Variants in LSM2 observed in about 807,000 individuals in gnomAD.
LSM2 encodes LSM2 homolog, U6 small nuclear RNA and mRNA degradation associated, also known as U6 snRNA-associated Sm-like protein LSm2.
In LSM2, 12 loss-of-function variants were observed where a neutral mutation model predicts 17.0. The observed-to-expected ratio is 0.70, with a 90% confidence interval of 0.45 to 1.14. LSM2 has a LOEUF of 1.14. LSM2 is among the 50% of genes most tolerant of loss of function. The pLI, the probability that LSM2 is intolerant of heterozygous loss-of-function variation, is 0.00. For missense variants in LSM2, 62 were observed against 111.8 expected, an observed-to-expected ratio of 0.55 and a Z score of 2.01; for synonymous variants, 42 against 44.5, an observed-to-expected ratio of 0.94 and a Z score of 0.22.
rs746003242 is a variant in LSM2, at chr6:31,797,997, G to A, written c.155C>T (p.Pro52Leu). 1.9e-6 allele frequency: 3 copies of A among 1,607,834 alleles called. No homozygotes were observed. The highest frequency in any genetic ancestry group is 2.5e-6 in the Non-Finnish European group (3 of 1,177,562). ...CCACAGACCCCAACTCACCATGTGA[G>A]GGTATTTCTCAGGGTCTGTGACACT... ...DISVTDPEKY[P>L]HMLSVKNCFI... Residue 52 changes from proline (P) to leucine (L), a missense_variant, in exon 4 of 5, where the codon CCT (proline) becomes CTT (leucine). Physicochemically the swap from Pro to Leu is moderately conservative, Grantham distance 98. Coordinates refer to ENST00000375661, the MANE Select transcript of LSM2 (RefSeq NM_021177.5).
At position 31,806,963 on chromosome 6, in the gene LSM2, G is replaced by T. The variant is rs1380131579; in HGVS notation, c.-206C>A. 2.9e-5 allele frequency: 17 copies of T among 593,650 alleles called. No homozygotes were observed. Among genetic ancestry groups the T allele is most frequent in the African/African-American group, 2.0e-5 (1 of 50,178 alleles). The allele number at this position is 593,650 out of a possible 1,614,324, so 36.8% of individuals were successfully genotyped here. Reference sequence around the variant, plus strand: ...GAGCGCAAGCTGGGTAGAGTAGAGGGGAGGAGGAAGCCGGGAAAGGGGCGG... The same window carrying T: ...GAGCGCAAGCTGGGTAGAGTAGAGGTGAGGAGGAAGCCGGGAAAGGGGCGG... On this transcript the variant is annotated 5_prime_UTR_variant, in exon 1 of 5. Coordinates refer to ENST00000375661, the MANE Select transcript of LSM2 (RefSeq NM_021177.5).
In LSM2 at chr6:31,799,547, G is replaced by A. The variant is rs560783583; in HGVS notation, c.72-1040C>T. ...AATTTTTTGTATTTTTAGTAGAGAC[G>A]GGGTTTCACCGTGTTAGCCAGGATG... On this transcript the variant is annotated intron_variant, in intron 2 of 4. Coordinates refer to ENST00000375661, the MANE Select transcript of LSM2 (RefSeq NM_021177.5). Among the ~76,000 whole-genome samples the A allele has an allele frequency of 2.7e-3, 406 of 152,050 alleles. 5 individuals carry two copies. Among genetic ancestry groups the A allele is most frequent in the African/African-American group, 8.9e-3 (370 of 41,478 alleles).
Position 31,804,872 on chromosome 6 carries a change from T to C in LSM2, c.71+1203A>G, listed in dbSNP as rs577073870. Among the ~76,000 whole-genome samples the C allele has an allele frequency of 4.5e-3, 671 of 148,546 alleles. 5 individuals are homozygous for C. Among genetic ancestry groups the C allele is most frequent in the African/African-American group, 0.016 (638 of 40,650 alleles). ...AGTTCCGCCTCCCAGGTTCACGCCA[T>C]TCTCCTGCCTCAGACTCCCAAGTAG... On this transcript the variant is annotated intron_variant, in intron 2 of 4. Transcript: ENST00000375661.
Position 31,797,648 on chromosome 6 carries a change from T to C in LSM2, c.*109A>G. 6.6e-7 allele frequency: 1 copy of C among 1,513,604 alleles called. No individual in the cohort carries two copies. Among genetic ancestry groups the C allele is most frequent in the African/African-American group, 1.4e-5 (1 of 72,006 alleles). The allele number at this position is 1,513,604 out of a possible 1,614,324, so 93.8% of individuals were successfully genotyped here. A position where few individuals can be genotyped will look rare whatever the true frequency, so the allele number is the denominator to read the frequency against. ...TTAAAAAAAACCCACAAAACCATCA[T>C]TAGTAAAAAAACAAAACCCCTTCAA... is the stretch of plus-strand genomic sequence containing the variant. On this transcript the variant is annotated 3_prime_UTR_variant, in exon 5 of 5. Coordinates refer to ENST00000375661, the MANE Select transcript of LSM2 (RefSeq NM_021177.5).
intron 1 of LSM2, chr6:31,806,447 T>C (rs969468723): frequency 2.2e-5 from 13 of 602,012 alleles, no homozygotes; most frequent in African/African-American, 1.1e-4. Context: ...TTTCAATGAA[T>C]TGTAGAAAAT....
chr6:31,806,733 CT>C, intron 1 of LSM2, 21 bp downstream of exon 1: 2 of 1,609,754 alleles, frequency 1.2e-6, no homozygotes, highest in East Asian at 2.2e-5. Context: ...AGGGCGCCCC[CT>C]TTTGACGTCA....
rs1301145056 is a variant in LSM2, at chr6:31,806,954, G to C, written c.-197C>G. On this transcript the variant is annotated 5_prime_UTR_variant, in exon 1 of 5. Transcript: ENST00000375661. ...GCGGCTGGGGAGCGCAAGCTGGGTA[G>C]AGTAGAGGGGAGGAGGAAGCCGGGA... 3.2e-6 allele frequency: 2 copies of C among 618,700 alleles called. No individual in the cohort carries two copies. Among genetic ancestry groups the C allele is most frequent in the Non-Finnish European group, 2.7e-6 (1 of 368,192 alleles). The allele number at this position is 618,700 out of a possible 1,614,324, so 38.3% of individuals were successfully genotyped here. A position where few individuals can be genotyped will look rare whatever the true frequency, so the allele number is the denominator to read the frequency against.
chr6:31,800,613 C>T (rs1254055989), intron 2 of LSM2, among the ~76,000 whole-genome samples: 3 of 152,026 alleles, frequency 2.0e-5, no homozygotes, highest in African/African-American at 4.8e-5. Context: ...ATTGGCCGGG[C>T]GTGGTGGCTC....
chr6:31,804,342 A>G (rs971682498), intron 2 of LSM2, among the ~76,000 whole-genome samples: 6 of 151,406 alleles, frequency 4.0e-5, no homozygotes, highest in Admixed American at 3.3e-4. Context: ...CCTAGGTGAC[A>G]GACTGAAACT....
At chr6:31,798,733 CTT>C (rs9281580) in intron 2 of LSM2, among the ~76,000 whole-genome samples, 8 of 89,862 alleles carry the variant, frequency 8.9e-5, no homozygotes, top group South Asian at 4.1e-4. Flanking sequence ...CCAATCCATT[CTT>C]TTTTTTTTTT....
Position 31,797,650 on chromosome 6 carries a change from A to G in LSM2, c.*107T>C. ...AAAAAAAACCCACAAAACCATCATT[A>G]GTAAAAAAACAAAACCCCTTCAAGT... On this transcript the variant is annotated 3_prime_UTR_variant, in exon 5 of 5. Transcript: ENST00000375661. 6.6e-7 allele frequency: 1 copy of G among 1,519,368 alleles called. No homozygotes were observed. Among genetic ancestry groups the G allele is most frequent in the Non-Finnish European group, 8.9e-7 (1 of 1,118,834 alleles). The allele number at this position is 1,519,368 out of a possible 1,614,324, so 94.1% of individuals were successfully genotyped here.
Position 31,806,837 on chromosome 6 carries a change from AGCCCGCGC to A in LSM2, c.-88_-81del. The A allele has an allele frequency of 6.6e-7, 1 of 1,511,106 alleles. No individual in the cohort carries two copies. Among genetic ancestry groups the A allele is most frequent in the South Asian group, 1.3e-5 (1 of 78,490 alleles). The allele number at this position is 1,511,106 out of a possible 1,614,324, so 93.6% of individuals were successfully genotyped here. On this transcript the variant is annotated 5_prime_UTR_variant, in exon 1 of 5. Transcript: ENST00000375661. The stretch of plus-strand genomic sequence containing the variant: ...GCAGGTCTGGGGAAACCGAAGCGCG[AGCCCGCGC>A]GTGGGGCGAGGCGGGACCGCGCAGG...
chr6:31,798,551 A>G (rs1341309968), intron 2 of LSM2, 44 bp from the exon 3 acceptor site: 8 of 1,609,000 alleles, frequency 5.0e-6, no homozygotes, highest in Non-Finnish European at 6.8e-6. Flanking sequence ...AGTTTATAAC[A>G]AAGTCAACAT....
chr6:31,802,520 GGGAGTC>G (rs111671487), intron 2 of LSM2, among the ~76,000 whole-genome samples: 29 of 151,960 alleles, frequency 1.9e-4, no homozygotes, highest in African/African-American at 6.8e-4. Context: ...ACTTGAACCA[GGGAGTC>G]GGAGGTTACA....
chr6:31,798,454 C>T, intron 3 of LSM2, 23 bp downstream of exon 3: 1 of 1,612,840 alleles, frequency 6.2e-7, no homozygotes, highest in Non-Finnish European at 8.5e-7. Context: ...GGAACCAATT[C>T]TGGGGCCCGT....
chr6:31,804,509 T>C (rs934981946), intron 2 of LSM2, among the ~76,000 whole-genome samples: 2 of 152,212 alleles, frequency 1.3e-5, no homozygotes, highest in Non-Finnish European at 2.9e-5. Flanking sequence ...TACTTAGCAG[T>C]GTTTGAGAAA....
chr6:31,800,387 G>A (rs939614877), intron 2 of LSM2, among the ~76,000 whole-genome samples: 1 of 152,012 alleles, frequency 6.6e-6, no homozygotes, highest in Non-Finnish European at 1.5e-5. Flanking sequence ...TTTTAAAAAC[G>A]TCCTTATCTT....
At chr6:31,805,188 C>T (rs187943004) in intron 2 of LSM2, among the ~76,000 whole-genome samples, 11 of 152,066 alleles carry the variant, frequency 7.2e-5, no homozygotes, top group Admixed American at 7.2e-4. Context: ...CCTCAGCCTC[C>T]CGAATAGCTG....
At chr6:31,805,622 CAA>C (rs1814989289) in intron 2 of LSM2, among the ~76,000 whole-genome samples, 1 of 152,170 alleles carries the variant, frequency 6.6e-6, no homozygotes, top group Non-Finnish European at 1.5e-5. Flanking sequence ...CTTGGCCTCC[CAA>C]AGTGCTGGGA....
Sources: gnomAD v4.1 joint callset for allele counts (sites outside exome capture counted in the v4.1 genomes callset) on GRCh38, gnomAD v4.1.1 for gene constraint, MANE v1.5 for transcripts, NCBI Gene and HGNC (gene_info 2026-07-23, HGNC 2026-07-21) for gene names.